ROBO1: variants seen among roughly 807,000 people sequenced by gnomAD.
The protein encoded by ROBO1 is roundabout homolog 1.
In ROBO1, 149 loss-of-function variants were observed where a neutral mutation model predicts 195.9. The ratio of observed to expected loss-of-function variants is 0.76; its 90% CI spans 0.67 to 0.87. The LOEUF is 0.87. Ranked by LOEUF, ROBO1 falls within the 40% of genes least tolerant of loss-of-function variation. The pLI, the probability that ROBO1 is intolerant of heterozygous loss-of-function variation, is 0.00. For synonymous variants in ROBO1, 816 were observed against 733.2 expected (o/e 1.11, Z -1.82); for missense variants, 1,933 against 2,068.3 (o/e 0.93, Z 1.27).
chr3:79,160,711 A>G (rs1337554371), intron 2 of ROBO1, among the ~76,000 whole-genome samples: 2 of 152,074 alleles, frequency 1.3e-5, no homozygotes, highest in Non-Finnish European at 2.9e-5. Context: ...ACCTCATGTG[A>G]TCACAGTGTG....
At chr3:78,860,326 A>ATATATATTTTTT (rs376853384) in intron 4 of ROBO1, among the ~76,000 whole-genome samples, 6 of 93,518 alleles carry the variant, frequency 6.4e-5, no homozygotes, top group African/African-American at 2.3e-4. Flanking sequence ...ATATATATAT[A>ATATATATTTTTT]TTTTTTTTTT....
chr3:79,076,441 A>C (rs2108449449), intron 3 of ROBO1, among the ~76,000 whole-genome samples: 1 of 151,586 alleles, frequency 6.6e-6, no homozygotes, highest in African/African-American at 2.4e-5. Context: ...TATCTTCATT[A>C]ATTCAATAAG....
intron 2 of ROBO1, among the ~76,000 whole-genome samples, chr3:79,312,310 T>C (rs1242809120): frequency 6.6e-6 from 1 of 152,158 alleles, no homozygotes; most frequent in Non-Finnish European, 1.5e-5. Flanking sequence ...CATCATGACC[T>C]TTTTCAATTC....
At chr3:78,650,093 C>G (rs1706552285) in intron 19 of ROBO1, among the ~76,000 whole-genome samples, 1 of 152,058 alleles carries the variant, frequency 6.6e-6, no homozygotes, top group Non-Finnish European at 1.5e-5. Context: ...TTTCCTCATT[C>G]AAATCCAAAC....
intron 4 of ROBO1, among the ~76,000 whole-genome samples, chr3:78,782,914 A>G (rs969911833): frequency 6.6e-6 from 1 of 152,280 alleles, no homozygotes; most frequent in South Asian, 2.1e-4. Context: ...GGTTTAACGT[A>G]TGCCTGTTGA....
intron 3 of ROBO1, among the ~76,000 whole-genome samples, chr3:78,961,242 T>C (rs1479043996): frequency 6.6e-6 from 1 of 152,056 alleles, no homozygotes; most frequent in African/African-American, 2.4e-5. Flanking sequence ...TGTAAATTTT[T>C]CATACAAAAA....
intron 5 of ROBO1, among the ~76,000 whole-genome samples, chr3:78,728,866 C>T (rs535090182): frequency 3.3e-5 from 5 of 152,326 alleles, no homozygotes; most frequent in African/African-American, 9.6e-5. Context: ...GCTACATACA[C>T]ACAAGAGAAC....
At chr3:79,691,262 T>A (rs1338939213) in intron 1 of ROBO1, among the ~76,000 whole-genome samples, 4 of 151,916 alleles carry the variant, frequency 2.6e-5, no homozygotes, top group African/African-American at 9.6e-5. Flanking sequence ...ATTGGTACCA[T>A]CCTCTGCCCC....
intron 4 of ROBO1, among the ~76,000 whole-genome samples, chr3:78,836,753 C>A (rs2032773245): frequency 6.6e-6 from 1 of 152,066 alleles, no homozygotes; most frequent in South Asian, 2.1e-4. Flanking sequence ...ATTCCTACTT[C>A]CTTAAAATTG....
intron 2 of ROBO1, among the ~76,000 whole-genome samples, chr3:79,562,940 A>G (rs1232159109): frequency 2.6e-5 from 4 of 152,056 alleles, no homozygotes; most frequent in Non-Finnish European, 5.9e-5. Flanking sequence ...ACACTTTGAC[A>G]TATTTGAAGA....
intron 2 of ROBO1, among the ~76,000 whole-genome samples, chr3:79,581,681 A>G (rs944759723): frequency 6.6e-6 from 1 of 152,128 alleles, no homozygotes; most frequent in Non-Finnish European, 1.5e-5. Flanking sequence ...TGCCACTTCT[A>G]CTGACAGAAT....
At chr3:78,871,691 T>C (rs1274823540) in intron 4 of ROBO1, among the ~76,000 whole-genome samples, 1 of 139,378 alleles carries the variant, frequency 7.2e-6, no homozygotes, top group Non-Finnish European at 1.5e-5. Context: ...TGTCCTTTCA[T>C]AGCGCTCAGT....
intron 1 of ROBO1, among the ~76,000 whole-genome samples, chr3:79,706,541 A>G (rs1171183860): frequency 6.6e-6 from 1 of 152,066 alleles, no homozygotes; most frequent in Non-Finnish European, 1.5e-5. Context: ...CCCAAATCTC[A>G]TCTTGATCTT....
intron 4 of ROBO1, among the ~76,000 whole-genome samples, chr3:78,917,531 T>G (rs919047334): frequency 6.6e-6 from 1 of 152,182 alleles, no homozygotes; most frequent in African/African-American, 2.4e-5. Context: ...TTGTTGAACA[T>G]GGTAAACTCA....
At chr3:79,412,999 A>G (rs1205574214) in intron 2 of ROBO1, among the ~76,000 whole-genome samples, 1 of 149,482 alleles carries the variant, frequency 6.7e-6, no homozygotes, top group Non-Finnish European at 1.5e-5. Flanking sequence ...CTATACTAGA[A>G]CAACATTAGT....
intron 2 of ROBO1, among the ~76,000 whole-genome samples, chr3:79,403,866 A>G (rs2037453103): frequency 6.6e-6 from 1 of 151,994 alleles, no homozygotes; most frequent in African/African-American, 2.4e-5. Context: ...AACCATCATG[A>G]TGGTATCATT....
intron 10 of ROBO1, among the ~76,000 whole-genome samples, chr3:78,672,306 A>C (rs185399477): frequency 0.012 from 1,821 of 152,236 alleles, 47 homozygotes; most frequent in African/African-American, 0.042. Flanking sequence ...TTGGCCGGGC[A>C]CTGGGGCTCA....
intron 5 of ROBO1, among the ~76,000 whole-genome samples, chr3:78,728,715 C>A (rs1479308533): frequency 6.6e-6 from 1 of 152,204 alleles, no homozygotes; most frequent in Admixed American, 6.5e-5. Context: ...TCTAAAAATT[C>A]CTGGTGACAT....
intron 1 of ROBO1, among the ~76,000 whole-genome samples, chr3:79,665,295 C>A (rs528715691): frequency 8.6e-5 from 13 of 151,838 alleles, no homozygotes; most frequent in Admixed American, 5.9e-4. Flanking sequence ...CTACTTAATA[C>A]TTGGTTTTGA....
Sources: allele counts gnomAD v4.1 joint callset (sites outside exome capture counted in the v4.1 genomes callset), GRCh38; gene constraint gnomAD v4.1.1; transcripts MANE v1.5; gene names NCBI Gene and HGNC (gene_info 2026-07-23, HGNC 2026-07-21).